The following PALM2AKAP2 variants were observed in gnomAD, a reference collection of about 807,000 sequenced individuals.
PALM2AKAP2 encodes PALM2-AKAP2 fusion protein.
PALM2AKAP2 carries 37 observed loss-of-function variants against 71.5 expected under a neutral mutation model. The ratio of observed to expected loss-of-function variants is 0.52; its 90% CI spans 0.40 to 0.68. PALM2AKAP2 has a LOEUF of 0.68. PALM2AKAP2 is among the 30% of genes least tolerant of loss of function. The pLI is 0.00. For missense variants in PALM2AKAP2, 1,224 were observed against 1,191.8 expected (o/e 1.03, Z -0.40); for synonymous variants, 468 against 478.8 (o/e 0.98, Z 0.29).
upstream of PALM2AKAP2, among the ~76,000 whole-genome samples, chr9:110,047,541 G>A (rs1232041049): frequency 6.6e-6 from 1 of 152,166 alleles, no homozygotes; most frequent in African/African-American, 2.4e-5. Flanking sequence ...AGCATCCCAG[G>A]GCCTTGTCAA....
chr9:109,669,918 T>C (rs947853241), intron 1 of PALM2AKAP2, among the ~76,000 whole-genome samples: 5 of 151,948 alleles, frequency 3.3e-5, no homozygotes, highest in African/African-American at 1.2e-4. Flanking sequence ...TTTCATTCTT[T>C]TTTTTATTTT....
At chr9:110,005,620 A>G (rs998512519) in intron 6 of PALM2AKAP2, among the ~76,000 whole-genome samples, 5 of 152,194 alleles carry the variant, frequency 3.3e-5, no homozygotes, top group Admixed American at 6.5e-5. Context: ...CCCTGCCCCC[A>G]GAGGTGGAGT....
rs181165948 is a variant in PALM2AKAP2, at chr9:109,815,160, G to C, written c.45+34627G>C. Among the ~76,000 whole-genome samples, 247 of 152,268 alleles carry C rather than the reference G, an allele frequency of 1.6e-3. 3 individuals are homozygous for C. The highest frequency in any genetic ancestry group is 5.5e-3 in the African/African-American group (229 of 41,560). On this transcript the variant is annotated intron_variant, in intron 1 of 9. Coordinates refer to the PALM2AKAP2 transcript ENST00000302798. ...GGTTGAATTGCTGGAACTTGGTACT[G>C]ATTGAGTAAAGGGTGAGAGGTATGG...
At chr9:109,744,498 G>A (rs1828769840) in intron 1 of PALM2AKAP2, among the ~76,000 whole-genome samples, 1 of 152,076 alleles carries the variant, frequency 6.6e-6, no homozygotes. Context: ...CTTTAAATGG[G>A]AAAGTTTCCA....
chr9:110,002,989 G>C (rs752776424), intron 6 of PALM2AKAP2, among the ~76,000 whole-genome samples: 17 of 152,164 alleles, frequency 1.1e-4, no homozygotes, highest in Non-Finnish European at 2.4e-4. Context: ...CCACCTCCCG[G>C]ATTCATTGAT....
intron 1 of PALM2AKAP2, among the ~76,000 whole-genome samples, chr9:109,734,831 C>G (rs7863805): frequency 6.6e-6 from 1 of 151,884 alleles, no homozygotes; most frequent in Non-Finnish European, 1.5e-5. Context: ...TTGCAGCACA[C>G]GGAAAGAGGG....
At chr9:109,800,109 C>G (rs1006232748) in intron 1 of PALM2AKAP2, among the ~76,000 whole-genome samples, 1 of 152,180 alleles carries the variant, frequency 6.6e-6, no homozygotes, top group African/African-American at 2.4e-5. Context: ...ATGTTTATCA[C>G]CTGATTGTTA....
At chr9:109,964,454 G>T (rs1272198659) in intron 6 of PALM2AKAP2, among the ~76,000 whole-genome samples, 2 of 152,354 alleles carry the variant, frequency 1.3e-5, no homozygotes, top group African/African-American at 2.4e-5. Context: ...TGAACCAGTA[G>T]GAGCGAGAGA....
At chr9:109,793,910 G>A (rs1165780140) in intron 1 of PALM2AKAP2, among the ~76,000 whole-genome samples, 1 of 152,172 alleles carries the variant, frequency 6.6e-6, no homozygotes, top group Non-Finnish European at 1.5e-5. Flanking sequence ...GTGCTATAAT[G>A]GCAGAGGTGA....
intron 1 of PALM2AKAP2, among the ~76,000 whole-genome samples, chr9:109,651,721 T>A (rs933121671): frequency 5.9e-5 from 9 of 152,178 alleles, no homozygotes; most frequent in Non-Finnish European, 1.5e-5. Context: ...AAGGAGACAC[T>A]CCTATTCCAC....
intron 6 of PALM2AKAP2, among the ~76,000 whole-genome samples, chr9:110,006,351 T>TTTCTTTCTTTCTTTC (rs1832784406): frequency 1.4e-5 from 2 of 144,944 alleles, no homozygotes; most frequent in African/African-American, 5.3e-5. Flanking sequence ...TCTTTCTTTC[T>TTTCTTTCTTTCTTTC]TTCTTTCTTT....
At chr9:109,951,866 G>A (rs560783594) in intron 6 of PALM2AKAP2, among the ~76,000 whole-genome samples, 3 of 152,210 alleles carry the variant, frequency 2.0e-5, no homozygotes, top group Admixed American at 6.5e-5. Flanking sequence ...CCCTTTGCAT[G>A]TCTCTCTCCA....
chr9:109,691,866 A>ATATG (rs1282684285), intron 1 of PALM2AKAP2, among the ~76,000 whole-genome samples: 1 of 39,370 alleles, frequency 2.5e-5, no homozygotes, highest in Admixed American at 3.7e-4. Flanking sequence ...ATATATATAT[A>ATATG]TACACACACA....
chr9:109,866,882 C>T, intron 1 of PALM2AKAP2: 3 of 376,466 alleles, frequency 8.0e-6, no homozygotes, highest in South Asian at 4.0e-5. Context: ...TTTATCGTAA[C>T]CTCAGCTGCC....
At chr9:110,064,640 C>G (rs1834036246) in intron 1 of PALM2AKAP2, among the ~76,000 whole-genome samples, 1 of 152,236 alleles carries the variant, frequency 6.6e-6, no homozygotes, top group African/African-American at 2.4e-5. Context: ...CACGGCAGCT[C>G]TCTGGCCCCG....
intron 6 of PALM2AKAP2, among the ~76,000 whole-genome samples, chr9:109,988,797 A>G (rs781220987): frequency 5.3e-5 from 8 of 152,204 alleles, no homozygotes; most frequent in Non-Finnish European, 1.0e-4. Flanking sequence ...CCCAAATCGT[A>G]TCTTTGAATT....
upstream of PALM2AKAP2, among the ~76,000 whole-genome samples, chr9:109,777,567 C>A (rs533905337): frequency 6.6e-6 from 1 of 152,268 alleles, no homozygotes; most frequent in South Asian, 2.1e-4. Context: ...TCGCTCATCC[C>A]CATTTTTGTT....
intron 1 of PALM2AKAP2, among the ~76,000 whole-genome samples, chr9:109,822,143 T>G (rs538007107): frequency 2.6e-5 from 4 of 152,194 alleles, no homozygotes; most frequent in Admixed American, 6.5e-5. Context: ...AGGGAATTGT[T>G]ATAAGGGCAC....
intron 2 of PALM2AKAP2, among the ~76,000 whole-genome samples, chr9:109,869,495 A>ATTT (rs35676745): frequency 3.5e-5 from 5 of 142,198 alleles, no homozygotes; most frequent in Non-Finnish European, 4.6e-5. Flanking sequence ...CGCCCAGCTA[A>ATTT]TTTTTTTTTT....
Sources: allele counts gnomAD v4.1 joint callset (sites outside exome capture counted in the v4.1 genomes callset), GRCh38; gene constraint gnomAD v4.1.1; transcripts MANE v1.5; gene names NCBI Gene and HGNC (gene_info 2026-07-23, HGNC 2026-07-21).